Variants in CDH18 observed in about 807,000 individuals in gnomAD.
CDH18 encodes cadherin-18.
In CDH18, 31 loss-of-function variants were observed where a neutral mutation model predicts 67.9. That is an observed-to-expected ratio of 0.46 (90% CI 0.34 to 0.62). The LOEUF (loss-of-function observed/expected upper bound fraction) is 0.62. Ranked by LOEUF, CDH18 falls within the 20% of genes least tolerant of loss-of-function variation. CDH18 has a pLI of 0.01. For missense variants in CDH18, 890 were observed against 975.5 expected, an observed-to-expected ratio of 0.91 and a Z score of 1.17; for synonymous variants, 362 against 347.2, an observed-to-expected ratio of 1.04 and a Z score of -0.48.
chr5:20,224,466 A>T (rs896485795), intron 2 of CDH18, among the ~76,000 whole-genome samples: 107 of 151,754 alleles, frequency 7.1e-4, no homozygotes, highest in African/African-American at 2.6e-3. Context: ...TTTAATGGTT[A>T]TATGAGTGTG....
intron 2 of CDH18, among the ~76,000 whole-genome samples, chr5:20,191,221 A>G (rs894399201): frequency 1.3e-5 from 2 of 152,140 alleles, no homozygotes; most frequent in Non-Finnish European, 2.9e-5. Flanking sequence ...AAGTTTATAT[A>G]TTCCCCTTAA....
intron 2 of CDH18, among the ~76,000 whole-genome samples, chr5:20,055,718 A>G (rs1350379358): frequency 6.6e-6 from 1 of 152,190 alleles, no homozygotes; most frequent in Non-Finnish European, 1.5e-5. Context: ...AACTTAGAGA[A>G]CTATGTGTAA....
At chr5:19,938,859 CTTTG>C (rs773366694) in intron 2 of CDH18, among the ~76,000 whole-genome samples, 4 of 151,154 alleles carry the variant, frequency 2.6e-5, no homozygotes, top group Non-Finnish European at 4.4e-5. Flanking sequence ...TGGAGCATTT[CTTTG>C]TTTAATTCTA....
At chr5:20,288,764 G>A (rs1328482766) in intron 1 of CDH18, among the ~76,000 whole-genome samples, 5 of 151,780 alleles carry the variant, frequency 3.3e-5, no homozygotes, top group African/African-American at 7.2e-5. Flanking sequence ...CACGTAACAT[G>A]CACAGGCAGA....
intron 4 of CDH18, among the ~76,000 whole-genome samples, chr5:19,733,297 T>G (rs1767864638): frequency 6.6e-6 from 1 of 152,198 alleles, no homozygotes; most frequent in South Asian, 2.1e-4. Context: ...TACCCTTTCC[T>G]AATTGTTTTT....
At chr5:19,925,493 T>C (rs577605461) in intron 2 of CDH18, among the ~76,000 whole-genome samples, 1 of 147,548 alleles carries the variant, frequency 6.8e-6, no homozygotes, top group African/African-American at 2.7e-5. Context: ...TGCATTTTTC[T>C]TTTTTTTTCC....
At chr5:20,351,219 C>T (rs1374458723) in intron 1 of CDH18, among the ~76,000 whole-genome samples, 3 of 145,704 alleles carry the variant, frequency 2.1e-5, no homozygotes, top group African/African-American at 5.3e-5. Flanking sequence ...TATTTTGTCT[C>T]CTTCTACCAG....
chr5:20,029,136 T>G (rs1474634254), intron 2 of CDH18, among the ~76,000 whole-genome samples: 1 of 152,156 alleles, frequency 6.6e-6, no homozygotes, highest in Non-Finnish European at 1.5e-5. Context: ...AATCCCAAAC[T>G]TCTTATCCAC....
At chr5:20,334,695 C>T (rs1739543340) in intron 1 of CDH18, among the ~76,000 whole-genome samples, 1 of 151,568 alleles carries the variant, frequency 6.6e-6, no homozygotes, top group Non-Finnish European at 1.5e-5. Flanking sequence ...AAGAAATTCT[C>T]CTAATTCTTC....
At chr5:19,768,386 G>A (rs956316182) in intron 3 of CDH18, among the ~76,000 whole-genome samples, 2 of 152,174 alleles carry the variant, frequency 1.3e-5, no homozygotes, top group Non-Finnish European at 2.9e-5. Context: ...AAATCTAGAA[G>A]TCACATGCAT....
intron 1 of CDH18, among the ~76,000 whole-genome samples, chr5:20,458,790 A>C (rs954509247): frequency 1.3e-5 from 2 of 152,220 alleles, no homozygotes; most frequent in Non-Finnish European, 2.9e-5. Context: ...ATTGCTAATA[A>C]CTATTGTAAC....
At chr5:19,777,444 C>T (rs1774527396) in intron 3 of CDH18, among the ~76,000 whole-genome samples, 3 of 152,168 alleles carry the variant, frequency 2.0e-5, no homozygotes, top group Admixed American at 1.3e-4. Context: ...ACATAGAGCT[C>T]AGATGGATTG....
intron 2 of CDH18, among the ~76,000 whole-genome samples, chr5:19,944,628 C>A (rs11959682): frequency 0.07 from 10,646 of 152,160 alleles, 1,028 homozygotes; most frequent in East Asian, 0.22. Flanking sequence ...AAATGAGCTA[C>A]CTGTCTTATT....
intron 2 of CDH18, among the ~76,000 whole-genome samples, chr5:19,841,495 G>A (rs1179030371): frequency 6.7e-6 from 1 of 149,826 alleles, no homozygotes; most frequent in Non-Finnish European, 1.5e-5. Context: ...TCCAGCATTT[G>A]TAATAAATTA....
chr5:19,473,403 A>G lies in CDH18; in HGVS notation c.2196T>C (p.Tyr732=). The change falls in exon 13 of 13, where the codon TAT becomes TAC. Residue 732 remains tyrosine, a synonymous_variant. Coordinates refer to ENST00000382275, the MANE Select transcript of CDH18 (RefSeq NM_004934.5). ...EADLDPSVPP[Y]DSLQTYAYEG... ...CATAGGCATAAGTCTGAAGAGAGTC[A>G]TAAGGGGGAACGCTAGGGTCTAGGT... 1.2e-6 allele frequency: 2 copies of G among 1,613,868 alleles called. No individual in the cohort carries two copies. Among genetic ancestry groups the G allele is most frequent in the African/African-American group, 1.3e-5 (1 of 75,028 alleles).
At chr5:20,442,931 C>T (rs1178188521) in intron 1 of CDH18, among the ~76,000 whole-genome samples, 4 of 151,782 alleles carry the variant, frequency 2.6e-5, no homozygotes, top group South Asian at 2.1e-4. Flanking sequence ...ATATCTTGGC[C>T]GGGCGCGGTG....
chr5:19,890,187 G>A (rs1788636740), intron 2 of CDH18, among the ~76,000 whole-genome samples: 1 of 152,008 alleles, frequency 6.6e-6, no homozygotes, highest in African/African-American at 2.4e-5. Context: ...ACAAGCTTCT[G>A]GATGCTGCCT....
At chr5:19,628,084 T>C (rs1319018683) in intron 5 of CDH18, among the ~76,000 whole-genome samples, 1 of 152,160 alleles carries the variant, frequency 6.6e-6, no homozygotes, top group African/African-American at 2.4e-5. Context: ...AGGGACCTGG[T>C]GGGAGATACT....
chr5:19,932,158 T>A (rs1274437683), intron 2 of CDH18, among the ~76,000 whole-genome samples: 1 of 151,882 alleles, frequency 6.6e-6, no homozygotes, highest in Non-Finnish European at 1.5e-5. Context: ...GGATATCTTA[T>A]AGTTCTCTGA....
Sources: gnomAD v4.1 joint callset for allele counts (sites outside exome capture counted in the v4.1 genomes callset) on GRCh38, gnomAD v4.1.1 for gene constraint, MANE v1.5 for transcripts, NCBI Gene and HGNC (gene_info 2026-07-23, HGNC 2026-07-21) for gene names.